Variants in SHISA9 observed in about 807,000 individuals in gnomAD.
SHISA9 encodes shisa family member 9.
In SHISA9, 13 loss-of-function variants were observed where a neutral mutation model predicts 38.0. The observed-to-expected ratio is 0.34, with a 90% CI of 0.22 to 0.54. The LOEUF is 0.54. Ranked by LOEUF, SHISA9 falls within the 20% of genes least tolerant of loss-of-function variation. SHISA9 has a pLI of 0.91. For synonymous variants in SHISA9, 275 were observed against 242.0 expected, an observed-to-expected ratio of 1.14 and a Z score of -1.27; for missense variants, 538 against 575.8, an observed-to-expected ratio of 0.93 and a Z score of 0.67.
chr16:13,537,872 A>G, the SHISA9 span, among the ~76,000 whole-genome samples: 1 of 152,218 alleles, frequency 6.6e-6, no homozygotes, highest in Non-Finnish European at 1.5e-5. Context: ...ATGCAGAGGA[A>G]AAACGCTAGA....
chr16:13,234,957 A>ACT (rs71147791), intron 4 of SHISA9, 73 bp from the exon 5 acceptor site: 151,376 of 1,290,838 alleles, frequency 0.12, 884 homozygotes, highest in Non-Finnish European at 0.12. Context: ...CCAGTCTCTA[A>ACT]CTCTCTCTCT....
Position 13,134,220 on chromosome 16 carries a change from C to G in SHISA9, c.692-69174C>G, listed in dbSNP as rs192315498. ...TAACCTGTCTGGGTCTCAGTTTTCTCACTTGTGAAATAGGGAACAGTAATA... is the reference window on the plus strand; with the variant it reads ...TAACCTGTCTGGGTCTCAGTTTTCTGACTTGTGAAATAGGGAACAGTAATA... On this transcript the variant is annotated intron_variant, in intron 2 of 4. Transcript: ENST00000558583. 1.4e-3 allele frequency among the ~76,000 whole-genome samples: 219 copies of G among 152,294 alleles called. 3 individuals are homozygous for G. Among genetic ancestry groups the G allele is most frequent in the African/African-American group, 4.8e-3 (198 of 41,550 alleles).
chr16:13,218,749 T>G (rs184045415), intron 4 of SHISA9, among the ~76,000 whole-genome samples: 1 of 152,338 alleles, frequency 6.6e-6, no homozygotes, highest in African/African-American at 2.4e-5. Context: ...ATGCTAGTTC[T>G]TTCCTTCTTC....
the SHISA9 span, among the ~76,000 whole-genome samples, chr16:13,265,036 C>T: frequency 7.5e-6 from 1 of 132,938 alleles, no homozygotes; most frequent in African/African-American, 2.9e-5. Context: ...GCTCCCCTCT[C>T]CTCCCCATCC....
intron 2 of SHISA9, among the ~76,000 whole-genome samples, chr16:12,932,722 G>A (rs928401950): frequency 6.6e-6 from 1 of 152,306 alleles, no homozygotes; most frequent in South Asian, 2.1e-4. Flanking sequence ...AATACAGTTT[G>A]GTCTGACTCT....
the SHISA9 span, among the ~76,000 whole-genome samples, chr16:13,415,408 G>A: frequency 6.6e-6 from 1 of 152,116 alleles, no homozygotes; most frequent in Non-Finnish European, 1.5e-5. Context: ...CACATGGAGG[G>A]GAACAGCACA....
At chr16:13,096,102 A>G (rs1188375496) in intron 2 of SHISA9, among the ~76,000 whole-genome samples, 1 of 152,272 alleles carries the variant, frequency 6.6e-6, no homozygotes, top group Non-Finnish European at 1.5e-5. Context: ...TGAACAAGTC[A>G]CTTAACTCCT....
intron 2 of SHISA9, among the ~76,000 whole-genome samples, chr16:13,080,582 C>T (rs941766146): frequency 6.6e-6 from 1 of 152,112 alleles, no homozygotes; most frequent in Admixed American, 6.5e-5. Context: ...AGCAAATTTC[C>T]TAAAAGAAGA....
chr16:13,304,024 AAAT>A, the SHISA9 span, among the ~76,000 whole-genome samples: 1 of 151,930 alleles, frequency 6.6e-6, no homozygotes, highest in East Asian at 1.9e-4. Context: ...TTAAAAAAAA[AAAT>A]AATAAAGCAG....
At chr16:13,241,938 G>T (rs2051438415), downstream of SHISA9, among the ~76,000 whole-genome samples, 1 of 152,122 alleles carries the variant, frequency 6.6e-6, no homozygotes, top group Non-Finnish European at 1.5e-5. Flanking sequence ...ATAGAACAGA[G>T]AATTACACCT....
chr16:13,534,803 TC>T, the SHISA9 span, among the ~76,000 whole-genome samples: 1 of 152,066 alleles, frequency 6.6e-6, no homozygotes, highest in African/African-American at 2.4e-5. Flanking sequence ...TCTTCTCCCC[TC>T]TTCTCTTTCC....
the SHISA9 span, among the ~76,000 whole-genome samples, chr16:13,451,762 G>GATCT: frequency 1.3e-5 from 2 of 152,240 alleles, no homozygotes; most frequent in African/African-American, 4.8e-5. Context: ...ATAGGCATGT[G>GATCT]ACAGATCCTT....
At chr16:13,409,425 C>A in the SHISA9 span, among the ~76,000 whole-genome samples, 1 of 152,244 alleles carries the variant, frequency 6.6e-6, no homozygotes, top group African/African-American at 2.4e-5. Context: ...AAGCCATCTG[C>A]AGACAGCAAG....
At chr16:12,972,456 A>G (rs910821710) in intron 2 of SHISA9, among the ~76,000 whole-genome samples, 13 of 152,158 alleles carry the variant, frequency 8.5e-5, no homozygotes, top group Admixed American at 6.5e-4. Flanking sequence ...GTGATATATA[A>G]TGAGGTGAGG....
At chr16:13,346,125 A>C in the SHISA9 span, among the ~76,000 whole-genome samples, 1 of 151,954 alleles carries the variant, frequency 6.6e-6, no homozygotes, top group African/African-American at 2.4e-5. Context: ...ACTCTCCTAC[A>C]TTTTCAAGTG....
chr16:13,443,826 C>T, the SHISA9 span, among the ~76,000 whole-genome samples: 39 of 152,096 alleles, frequency 2.6e-4, no homozygotes, highest in Admixed American at 9.2e-4. Context: ...TCTTTTTTCT[C>T]CCCCTTGACA....
At chr16:13,322,255 G>C in the SHISA9 span, among the ~76,000 whole-genome samples, 2 of 152,172 alleles carry the variant, frequency 1.3e-5, no homozygotes, top group South Asian at 4.1e-4. Context: ...TGATCTAATA[G>C]GAAAAAATAA....
chr16:13,044,954 C>T (rs1377164697), intron 2 of SHISA9, among the ~76,000 whole-genome samples: 1 of 152,202 alleles, frequency 6.6e-6, no homozygotes, highest in African/African-American at 2.4e-5. Flanking sequence ...TTCCAGGGCG[C>T]AGCTTGGTGC....
chr16:13,120,605 T>C (rs2074076280), intron 2 of SHISA9, among the ~76,000 whole-genome samples: 1 of 152,178 alleles, frequency 6.6e-6, no homozygotes, highest in Non-Finnish European at 1.5e-5. Context: ...GCCTGACTTT[T>C]TGCAAATATT....
Sources: gnomAD v4.1 joint callset for allele counts (sites outside exome capture counted in the v4.1 genomes callset) on GRCh38, gnomAD v4.1.1 for gene constraint, MANE v1.5 for transcripts, NCBI Gene and HGNC (gene_info 2026-07-23, HGNC 2026-07-21) for gene names.